The following STAT2 variants were observed in gnomAD, a reference collection of about 807,000 sequenced individuals.
STAT2 encodes the protein signal transducer and activator of transcription 2.
A neutral mutation model predicts 122.3 loss-of-function variants in STAT2; 51 were observed. The observed-to-expected ratio is 0.42, with a 90% confidence interval of 0.33 to 0.53. The LOEUF (loss-of-function observed/expected upper bound fraction) is 0.53. STAT2 is among the 20% of genes least tolerant of loss of function. The probability of loss-of-function intolerance (pLI) is 0.10; values close to 1 mark genes in which losing one functional copy is unlikely to be tolerated. For synonymous variants in STAT2, 351 were observed against 394.9 expected (o/e 0.89, Z 1.32); for missense variants, 736 against 1,010.3 (o/e 0.73, Z 3.68).
chr12:56,354,239 A>G (rs2136082102), intron 8 of STAT2, among the ~76,000 whole-genome samples: 1 of 151,228 alleles, frequency 6.6e-6, no homozygotes, highest in Non-Finnish European at 1.5e-5. Context: ...AAAAGAAGGA[A>G]AAACCAGATT....
In STAT2 at chr12:56,342,631, C is replaced by A. The variant is rs1197699618; in HGVS notation, c.*758G>T. ...CAGCAATCCTACCATCCCCAGCCTC[C>A]AGGAGTGATCTGTCTCCTAAGCATT... On this transcript the variant is annotated 3_prime_UTR_variant, in exon 24 of 24. Transcript: ENST00000314128. 1 of 152,070 alleles carries A rather than the reference C, an allele frequency of 6.6e-6. No individual in the cohort carries two copies. Among genetic ancestry groups the A allele is most frequent in the African/African-American group, 2.4e-5 (1 of 41,320 alleles). 9.4% of individuals were successfully genotyped at this position (152,070 alleles called of 1,614,324 possible).
At chr12:56,353,234 T>C (rs1878828159) in intron 8 of STAT2, among the ~76,000 whole-genome samples, 1 of 152,192 alleles carries the variant, frequency 6.6e-6, no homozygotes, top group Admixed American at 6.5e-5. Context: ...TCCACCCACC[T>C]TGGCCTCCCA....
At chr12:56,346,645 C>T in intron 20 of STAT2, 21 bp from the exon 21 acceptor site, 1 of 1,613,082 alleles carries the variant, frequency 6.2e-7, no homozygotes, top group Non-Finnish European at 8.5e-7. Flanking sequence ...AATGCAGGAA[C>T]AGGCGGGCTT....
At position 56,349,041 on chromosome 12, in the gene STAT2, TGGA is replaced by T; in HGVS notation, c.1456_1458del (p.Ser486del). ...AAGCTCCAGGGGGCCTTGGGGGGGT[TGGA>T]GAAGAACTGCTGGTTCTGCAGGGGT... On this transcript the variant is annotated inframe_deletion, in exon 17 of 24. Transcript: ENST00000314128. 6.2e-7 allele frequency: 1 copy of T among 1,613,400 alleles called. No individual in the cohort carries two copies. The highest frequency in any genetic ancestry group is 8.5e-7 in the Non-Finnish European group (1 of 1,179,674).
rs1879264656 is a variant in STAT2, at chr12:56,354,843, G to C, written c.568C>G (p.Pro190Ala). 6.2e-7 allele frequency: 1 copy of C among 1,613,946 alleles called. No individual in the cohort carries two copies. Among genetic ancestry groups the C allele is most frequent in the African/African-American group, 1.3e-5 (1 of 74,878 alleles). Reference sequence around the variant, plus strand: ...ATCTTCTGCTCTTTGGTCTGATGGGGGTCCAGAGAGGGTGTCTTCCCTGGA... The same window carrying C: ...ATCTTCTGCTCTTTGGTCTGATGGGCGTCCAGAGAGGGTGTCTTCCCTGGA... ...QAKGKTPSLD[P>A]HQTKEQKILQ... The change falls in exon 7 of 24, where the codon CCC becomes GCC. Residue 190 changes from proline (P) to alanine (A), a missense_variant. Coordinates refer to ENST00000314128, the MANE Select transcript of STAT2 (RefSeq NM_005419.4).
chr12:56,354,016 A>AAAAAAAAATAT (rs71081350), intron 8 of STAT2, among the ~76,000 whole-genome samples: 1 of 16,698 alleles, frequency 6.0e-5, no homozygotes, highest in African/African-American at 1.1e-4. Flanking sequence ...AAAAAAAAAA[A>AAAAAAAAATAT]ATATATATAT....
At chr12:56,346,668 C>T (rs193194597) in intron 20 of STAT2, 44 bp from the exon 21 acceptor site, 735 of 1,609,532 alleles carry the variant, frequency 4.6e-4, no homozygotes, top group Non-Finnish European at 5.7e-4. Context: ...GGGAAGAGGC[C>T]GGGCCTTGGA....
At chr12:56,345,516 A>ATATATATATATATATATAT (rs1877269220) in intron 22 of STAT2, among the ~76,000 whole-genome samples, 1 of 26,140 alleles carries the variant, frequency 3.8e-5, no homozygotes, top group Non-Finnish European at 6.1e-5. Flanking sequence ...AAAAAAAAAA[A>ATATATATATATATATATAT]AAAAAAAAAT....
Position 56,355,354 on chromosome 12 carries a change from G to A in STAT2, c.472-3C>T. The A allele has an allele frequency of 1.2e-6, 2 of 1,614,174 alleles. No homozygotes were observed. The highest frequency in any genetic ancestry group is 2.2e-5 in the South Asian group (2 of 91,080). On this transcript the variant is annotated splice_region_variant and splice_polypyrimidine_tract_variant and intron_variant, in intron 5 of 23. Transcript: ENST00000314128. ...TGGCTGATGGATTTTACCAGCTTCT[G>A]CAGAGGGGAGAGGACCCCGATGAGG...
Position 56,350,832 on chromosome 12 carries a change from T to C in STAT2, c.1091A>G (p.Asp364Gly). The change falls in exon 11 of 24, where the codon GAC (aspartate) becomes GGC (glycine). Residue 364 changes from aspartate (D) to glycine (G), a missense_variant. Asp to Gly is a moderately conservative substitution (Grantham distance 94). Transcript: ENST00000314128. ...NESLTVEVSI[D>G]RNPPQLQGFR... ...CCCTTCACCTGCTCCAATTTACCTG[T>C]CAATGGAGACTTCCACAGTCAGTGA... 1 of 1,614,004 alleles carries C rather than the reference T, an allele frequency of 6.2e-7. No individual in the cohort carries two copies.
At chr12:56,350,387 TG>T (rs1203970646) in intron 12 of STAT2, 24 bp downstream of exon 12, 3 of 1,599,828 alleles carry the variant, frequency 1.9e-6, no homozygotes, top group Admixed American at 3.6e-5. Flanking sequence ...TACAGATGTT[TG>T]CAGTGTCCTT....
At position 56,350,402 on chromosome 12, in the gene STAT2, A is replaced by C; in HGVS notation, c.1115+10T>G. On this transcript the variant is annotated intron_variant, in intron 12 of 23. Coordinates refer to ENST00000314128, the MANE Select transcript of STAT2 (RefSeq NM_005419.4). ...TACAGATGTTTGCAGTGTCCTTGTC[A>C]AGCACCTACCCTTGTAATTGAGGAG... The C allele has an allele frequency of 6.2e-7, 1 of 1,606,092 alleles. No individual in the cohort carries two copies. Among genetic ancestry groups the C allele is most frequent in the Non-Finnish European group, 8.5e-7 (1 of 1,177,332 alleles).
At position 56,350,088 on chromosome 12, in the gene STAT2, T is replaced by A; in HGVS notation, c.1209+9A>T. 3 of 1,603,778 alleles carry A rather than the reference T, an allele frequency of 1.9e-6. No homozygotes were observed. Among genetic ancestry groups the A allele is most frequent in the Non-Finnish European group, 2.6e-6 (3 of 1,173,544 alleles). On this transcript the variant is annotated intron_variant, in intron 13 of 23. Coordinates refer to ENST00000314128, the MANE Select transcript of STAT2 (RefSeq NM_005419.4). ...AGTAATAAAAGCATAGGTCACAAAC[T>A]ATTCTTACCAGGTAACCAAAGTCCC...
intron 19 of STAT2, among the ~76,000 whole-genome samples, chr12:56,348,050 G>T (rs540091577): frequency 1.3e-5 from 2 of 151,106 alleles, no homozygotes; most frequent in African/African-American, 2.4e-5. Context: ...GAATGTAGGA[G>T]ATGCTTCACA....
rs34402362 is a variant in STAT2, at chr12:56,357,026, ATTTTTTTTTTTTT to A, written c.-7-461_-7-449del. Among the ~76,000 whole-genome samples, 39 of 66,378 alleles carry A rather than the reference ATTTTTTTTTTTTT, an allele frequency of 5.9e-4. 1 individual carries two copies. Among genetic ancestry groups the A allele is most frequent in the East Asian group, 6.1e-4 (1 of 1,642 alleles). 43.5% of individuals were successfully genotyped at this position (66,378 alleles called of 152,430 possible). ...TTCAGATTAGGAATGCCTAATCTGTATTTTTTTTTTTTTTTTTTTTTTTTTTTTAAGATGGACT... is the reference window on the plus strand; with the variant it reads ...TTCAGATTAGGAATGCCTAATCTGTATTTTTTTTTTTTTTTAAGATGGACT... On this transcript the variant is annotated intron_variant, in intron 1 of 23. Coordinates refer to ENST00000314128, the MANE Select transcript of STAT2 (RefSeq NM_005419.4).
In STAT2 at chr12:56,355,765, G is replaced by C; in HGVS notation, c.324C>G (p.Ile108Met). Reference sequence around the variant, plus strand: ...TTTTTTCTTCCAGAAGGAGGTTAAAGATCATCTCAGCCAACTGGGTAGGAT... The same window carrying C: ...TTTTTTCTTCCAGAAGGAGGTTAAACATCATCTCAGCCAACTGGGTAGGAT... ...SQDPTQLAEM[I>M]FNLLLEEKRI... is the part of the protein sequence containing the mutation. Residue 108 changes from isoleucine to methionine, a missense_variant, in exon 4 of 24, where the codon ATC (isoleucine) becomes ATG (methionine). Physicochemically the swap from Ile to Met is conservative, Grantham distance 10. Coordinates refer to ENST00000314128, the MANE Select transcript of STAT2 (RefSeq NM_005419.4). 6.2e-7 allele frequency: 1 copy of C among 1,614,158 alleles called. No individual in the cohort carries two copies. The highest frequency in any genetic ancestry group is 8.5e-7 in the Non-Finnish European group (1 of 1,180,034).
At position 56,344,434 on chromosome 12, in the gene STAT2, C is replaced by T. The variant is rs11575241; in HGVS notation, c.2103-299G>A. On this transcript the variant is annotated intron_variant, in intron 22 of 23. Transcript: ENST00000314128. ...TCTAACAGACCTGTATCATTAGCCA[C>T]GTACCTTAGGTACAAAACTTGACTA... 3.3e-5 allele frequency among the ~76,000 whole-genome samples: 5 copies of T among 152,194 alleles called. No homozygotes were observed. In the East Asian group the frequency reaches 7.7e-4, roughly 23 times the overall value.
chr12:56,346,238 A>G, intron 21 of STAT2, 35 bp from the exon 22 acceptor site: 1 of 1,606,586 alleles, frequency 6.2e-7, no homozygotes, highest in East Asian at 2.2e-5. Context: ...AGAGAAGATC[A>G]GTGGGCCAGA....
chr12:56,355,832 C>G (rs764647804), intron 3 of STAT2, 29 bp from the exon 4 acceptor site: 2 of 1,597,028 alleles, frequency 1.3e-6, no homozygotes, highest in South Asian at 2.2e-5. Flanking sequence ...AAGGATTGAT[C>G]CAATTCAACC....
Sources: gnomAD v4.1 joint callset for allele counts (sites outside exome capture counted in the v4.1 genomes callset) on GRCh38, gnomAD v4.1.1 for gene constraint, MANE v1.5 for transcripts, NCBI Gene and HGNC (gene_info 2026-07-23, HGNC 2026-07-21) for gene names.